Variants in RASAL2 observed in about 807,000 individuals in gnomAD.
RASAL2 encodes the protein ras GTPase-activating protein nGAP.
A neutral mutation model predicts 128.9 loss-of-function variants in RASAL2; 58 were observed. The observed-to-expected ratio is 0.45, with a 90% confidence interval of 0.36 to 0.56. The LOEUF (loss-of-function observed/expected upper bound fraction) is 0.56, where lower values mean the gene tolerates loss of function less well. Among genes scored for constraint, RASAL2 ranks in the 20% least tolerant of loss-of-function variants. The pLI, the probability that RASAL2 is intolerant of heterozygous loss-of-function variation, is 0.00. For missense variants in RASAL2, 1,360 were observed against 1,601.6 expected (o/e 0.85, Z 2.57); for synonymous variants, 561 against 580.8 (o/e 0.97, Z 0.49).
intron 1 of RASAL2, among the ~76,000 whole-genome samples, chr1:178,243,113 C>T (rs1004250981): frequency 3.3e-5 from 5 of 152,014 alleles, no homozygotes; most frequent in African/African-American, 7.3e-5. Flanking sequence ...TTATTTAGAT[C>T]TTTTATTTTA....
At chr1:178,212,577 C>T (rs928885328) in intron 1 of RASAL2, among the ~76,000 whole-genome samples, 4 of 151,778 alleles carry the variant, frequency 2.6e-5, no homozygotes, top group East Asian at 2.0e-4. Context: ...CTGCAACGTC[C>T]GCCTCCTGGG....
intron 1 of RASAL2, among the ~76,000 whole-genome samples, chr1:178,124,581 G>A (rs1659831608): frequency 6.6e-6 from 1 of 152,158 alleles, no homozygotes; most frequent in Admixed American, 6.5e-5. Flanking sequence ...TTAGTAAGTT[G>A]TGGTTATTTT....
rs1051252796 is a variant in RASAL2, at chr1:178,342,883, T to C, written c.457+42765T>C. Among the ~76,000 whole-genome samples, 14 of 152,334 alleles carry C rather than the reference T, an allele frequency of 9.2e-5. No individual in the cohort carries two copies. The East Asian group carries it at 1.2e-3, about 13-fold the overall frequency. On this transcript the variant is annotated intron_variant, in intron 3 of 17. Coordinates refer to ENST00000367649, the MANE Select transcript of RASAL2 (RefSeq NM_170692.4). Reference sequence around the variant, plus strand: ...GTCTGTTACTTCACCTCATGAATTATGTGTTAGCAGATAATTTAAGTGAAG... The same window carrying C: ...GTCTGTTACTTCACCTCATGAATTACGTGTTAGCAGATAATTTAAGTGAAG...
chr1:178,239,459 A>G (rs999282497), intron 1 of RASAL2, among the ~76,000 whole-genome samples: 11 of 152,112 alleles, frequency 7.2e-5, no homozygotes, highest in African/African-American at 2.7e-4. Context: ...ATGTTATACA[A>G]CTGGCAGAAT....
At chr1:178,104,407 T>A (rs573930685) in intron 1 of RASAL2, among the ~76,000 whole-genome samples, 1 of 152,316 alleles carries the variant, frequency 6.6e-6, no homozygotes, top group East Asian at 1.9e-4. Flanking sequence ...TTTTAATGAC[T>A]AACATTATTT....
intron 3 of RASAL2, among the ~76,000 whole-genome samples, chr1:178,380,431 G>T (rs1178983452): frequency 6.6e-6 from 1 of 152,002 alleles, no homozygotes; most frequent in East Asian, 1.9e-4. Flanking sequence ...TGAGTTAGAG[G>T]TAACTAGAAA....
At chr1:178,119,308 T>C (rs1659629692) in intron 1 of RASAL2, among the ~76,000 whole-genome samples, 1 of 152,216 alleles carries the variant, frequency 6.6e-6, no homozygotes, top group South Asian at 2.1e-4. Context: ...GCCATCTCAC[T>C]TCTGTGTGTA....
chr1:178,267,911 C>G (rs570455171), intron 1 of RASAL2, among the ~76,000 whole-genome samples: 4 of 152,050 alleles, frequency 2.6e-5, no homozygotes, highest in Admixed American at 2.6e-4. Context: ...CTTGGAATTC[C>G]TTTTGCCTTT....
intron 3 of RASAL2, among the ~76,000 whole-genome samples, chr1:178,360,753 T>C (rs2102476924): frequency 1.3e-5 from 2 of 152,318 alleles, no homozygotes; most frequent in East Asian, 3.9e-4. Context: ...GTTGTTTCCT[T>C]CTGAGGGCTG....
intron 3 of RASAL2, among the ~76,000 whole-genome samples, chr1:178,342,153 G>A (rs1053155038): frequency 2.0e-5 from 3 of 152,280 alleles, no homozygotes; most frequent in South Asian, 2.1e-4. Context: ...CCCAAGGTAG[G>A]CTTTTAATAT....
chr1:178,344,585 G>GTT (rs2102414562), intron 3 of RASAL2, among the ~76,000 whole-genome samples: 1 of 152,260 alleles, frequency 6.6e-6, no homozygotes, highest in South Asian at 2.1e-4. Flanking sequence ...AAAAGTGTTT[G>GTT]TTACAGACTC....
At chr1:178,430,003 C>A (rs1258640751) in intron 5 of RASAL2, among the ~76,000 whole-genome samples, 1 of 152,046 alleles carries the variant, frequency 6.6e-6, no homozygotes, top group Non-Finnish European at 1.5e-5. Context: ...CTAGGACTAA[C>A]TTTTTTATTG....
chr1:178,134,207 G>A (rs1419947609), intron 1 of RASAL2, among the ~76,000 whole-genome samples: 1 of 152,106 alleles, frequency 6.6e-6, no homozygotes, highest in Non-Finnish European at 1.5e-5. Flanking sequence ...GCCTCTTTGG[G>A]GTGGGAGGAT....
chr1:178,439,421 G>T lies in RASAL2; in HGVS notation c.675-1G>T. ...CCTTAAATATCTTTTTCTACTTTTAGGTCTCGTGGGCTGCCTAAACTAAAA... is the reference window on the plus strand; with the variant it reads ...CCTTAAATATCTTTTTCTACTTTTATGTCTCGTGGGCTGCCTAAACTAAAA... On this transcript the variant is annotated splice_acceptor_variant, in intron 5 of 17. Coordinates refer to ENST00000367649, the MANE Select transcript of RASAL2 (RefSeq NM_170692.4). LOFTEE classifies it high-confidence loss of function. 1 of 1,597,230 alleles carries T rather than the reference G, an allele frequency of 6.3e-7. No homozygotes were observed. Among genetic ancestry groups the T allele is most frequent in the Non-Finnish European group, 8.5e-7 (1 of 1,173,026 alleles).
intron 1 of RASAL2, among the ~76,000 whole-genome samples, chr1:178,161,995 G>A (rs1429867430): frequency 1.3e-5 from 2 of 150,342 alleles, no homozygotes; most frequent in Non-Finnish European, 3.0e-5. Flanking sequence ...TTGAGACGGA[G>A]TCTTTGTCTG....
intron 1 of RASAL2, among the ~76,000 whole-genome samples, chr1:178,211,711 CT>C (rs1249525257): frequency 6.6e-6 from 1 of 152,088 alleles, no homozygotes; most frequent in African/African-American, 2.4e-5. Flanking sequence ...GGAAAATTGA[CT>C]TTTTTTTCTA....
chr1:178,306,465 A>G (rs572286277), intron 3 of RASAL2, among the ~76,000 whole-genome samples: 32 of 152,318 alleles, frequency 2.1e-4, no homozygotes, highest in African/African-American at 7.5e-4. Context: ...TCCCTGAGGA[A>G]TAGCCACACT....
At position 178,094,427 on chromosome 1, in the gene RASAL2, G is replaced by A. The variant is rs1185040822; in HGVS notation, c.-66G>A. ...CTCCTCCTCCCCTTACCGCAGGCAG[G>A]GCGCGGAGCCGCGCGCCAGCCCGCC... On this transcript the variant is annotated 5_prime_UTR_variant, in exon 1 of 18. Transcript: ENST00000367649. The A allele has an allele frequency of 1.4e-6, 2 of 1,416,040 alleles. No homozygotes were observed. Among genetic ancestry groups the A allele is most frequent in the Non-Finnish European group, 1.9e-6 (2 of 1,072,282 alleles). 87.7% of individuals were successfully genotyped at this position (1,416,040 alleles called of 1,614,324 possible).
chr1:178,341,888 T>TTG (rs1291900217), intron 3 of RASAL2, among the ~76,000 whole-genome samples: 1 of 152,232 alleles, frequency 6.6e-6, no homozygotes, highest in Admixed American at 6.5e-5. Context: ...CAGCATGTAC[T>TTG]TGTTCTGTTA....
Sources: allele counts gnomAD v4.1 joint callset (sites outside exome capture counted in the v4.1 genomes callset), GRCh38; gene constraint gnomAD v4.1.1; transcripts MANE v1.5; gene names NCBI Gene and HGNC (gene_info 2026-07-23, HGNC 2026-07-21).